The following ARHGEF10 variants were observed in gnomAD, a reference collection of about 807,000 sequenced individuals.
ARHGEF10 encodes Rho guanine nucleotide exchange factor 10, also known as Rho guanine nucleotide exchange factor (GEF) 10.
Under a neutral mutation model 147.4 loss-of-function variants are expected in ARHGEF10, and 140 were observed. The ratio of observed to expected loss-of-function variants is 0.95; its 90% CI spans 0.83 to 1.09. The LOEUF is 1.09. Among genes scored for constraint, ARHGEF10 ranks in the 50% least tolerant of loss-of-function variants. The pLI, the probability that ARHGEF10 is intolerant of heterozygous loss-of-function variation, is 0.00. For missense variants in ARHGEF10, 2,222 were observed against 1,752.7 expected (o/e 1.27, Z -4.78); for synonymous variants, 902 against 695.8 (o/e 1.30, Z -4.67).
chr8:1,956,681 C>CT, intron 28 of ARHGEF10, 68 bp from the exon 29 acceptor site: 1 of 1,599,032 alleles, frequency 6.3e-7, no homozygotes, highest in East Asian at 2.2e-5. Flanking sequence ...AAGCCCTGCA[C>CT]TTTTTGCTTC....
At chr8:1,946,729 C>T (rs1253989347) in intron 27 of ARHGEF10, among the ~76,000 whole-genome samples, 1 of 152,186 alleles carries the variant, frequency 6.6e-6, no homozygotes, top group East Asian at 1.9e-4. Flanking sequence ...TTGAAAAAAA[C>T]CACAATGATT....
intron 18 of ARHGEF10, among the ~76,000 whole-genome samples, chr8:1,917,809 C>T (rs935832641): frequency 1.3e-5 from 2 of 152,022 alleles, no homozygotes; most frequent in Admixed American, 1.3e-4. Context: ...GAGTCTCCCT[C>T]TGTTGCCCAG....
chr8:1,900,316 C>T (rs1027464930), intron 15 of ARHGEF10, among the ~76,000 whole-genome samples: 3 of 152,182 alleles, frequency 2.0e-5, no homozygotes, highest in African/African-American at 4.8e-5. Context: ...GCCCGAGCAG[C>T]TCCCACGTTT....
At chr8:1,865,828 C>G (rs1024470494) in intron 5 of ARHGEF10, among the ~76,000 whole-genome samples, 2 of 152,240 alleles carry the variant, frequency 1.3e-5, no homozygotes, top group African/African-American at 4.8e-5. Context: ...TGTCTCTGCG[C>G]TGCCACCGGG....
At chr8:1,910,988 A>C (rs1467349125) in intron 18 of ARHGEF10, among the ~76,000 whole-genome samples, 1 of 152,238 alleles carries the variant, frequency 6.6e-6, no homozygotes, top group African/African-American at 2.4e-5. Context: ...TGAAAAAAGC[A>C]TAAAGCAGGG....
chr8:1,908,378 C>A (rs1348118276), intron 17 of ARHGEF10, among the ~76,000 whole-genome samples: 5 of 151,862 alleles, frequency 3.3e-5, no homozygotes, highest in Non-Finnish European at 7.4e-5. Context: ...CTACAGGCAC[C>A]CACCACCACA....
At chr8:1,846,366 A>T (rs1804562884) in intron 2 of ARHGEF10, among the ~76,000 whole-genome samples, 1 of 152,184 alleles carries the variant, frequency 6.6e-6, no homozygotes, top group Non-Finnish European at 1.5e-5. Context: ...TTTTCTGAGG[A>T]TTCTGTGGTA....
chr8:1,862,840 G>A (rs1185629141), intron 4 of ARHGEF10, among the ~76,000 whole-genome samples: 7 of 149,750 alleles, frequency 4.7e-5, no homozygotes, highest in South Asian at 2.1e-4. Context: ...GTACAGTGGC[G>A]GGATCTCGGC....
chr8:1,823,997 GACGCGGGGGACGGCGGGGA>G lies in ARHGEF10; in HGVS notation c.-160_-142del, dbSNP rs1368075620. On this transcript the variant is annotated 5_prime_UTR_variant, in exon 1 of 29. Coordinates refer to ENST00000349830, the MANE Select transcript of ARHGEF10 (RefSeq NM_014629.4). ...GGACGGGGTCGCGGGGGACGCGGGGGACGCGGGGGACGGCGGGGAACGGCGGGGGACGGCGGGGAACAGC... is the reference window on the plus strand; with the variant it reads ...GGACGGGGTCGCGGGGGACGCGGGGGACGGCGGGGGACGGCGGGGAACAGC... The G allele has an allele frequency of 1.6e-5, 2 of 123,672 alleles. No homozygotes were observed. Among genetic ancestry groups the G allele is most frequent in the East Asian group, 2.3e-4 (1 of 4,414 alleles). 7.7% of individuals were successfully genotyped at this position (123,672 alleles called of 1,614,324 possible). A position where few individuals can be genotyped will look rare whatever the true frequency, so the allele number is the denominator to read the frequency against.
intron 5 of ARHGEF10, among the ~76,000 whole-genome samples, chr8:1,865,287 C>T (rs1223424402): frequency 6.6e-6 from 1 of 152,134 alleles, no homozygotes. Flanking sequence ...AGGCCATCAC[C>T]AGGACATGGG....
intron 1 of ARHGEF10, among the ~76,000 whole-genome samples, chr8:1,833,698 G>A (rs533967867): frequency 2.6e-5 from 4 of 152,180 alleles, no homozygotes; most frequent in Admixed American, 6.5e-5. Context: ...CCTCATGCCC[G>A]GCCCAGCTTG....
At chr8:1,903,494 G>A (rs373405772) in intron 16 of ARHGEF10, 43 bp downstream of exon 16, 6 of 1,609,252 alleles carry the variant, frequency 3.7e-6, no homozygotes, top group African/African-American at 1.3e-5. Flanking sequence ...AATTATTTTT[G>A]CTTTGTGCTA....
rs1554516077 is a variant in ARHGEF10, at chr8:1,945,465, C to T, written c.3223-16C>T. The T allele has an allele frequency of 6.3e-6, 10 of 1,575,886 alleles. No individual in the cohort carries two copies. The highest frequency in any genetic ancestry group is 7.8e-6 in the Non-Finnish European group (9 of 1,160,828). ...CACTCCACGGGGCTAGCAGACTTGA[C>T]CTCTCGATTTCACAGGGTCAGCTGG... On this transcript the variant is annotated splice_polypyrimidine_tract_variant and intron_variant, in intron 26 of 28. Transcript: ENST00000349830.
intron 17 of ARHGEF10, among the ~76,000 whole-genome samples, chr8:1,905,994 A>G (rs937182394): frequency 1.3e-5 from 2 of 152,250 alleles, no homozygotes; most frequent in Admixed American, 6.5e-5. Context: ...GAATTTCTTC[A>G]TAACCCTCCT....
chr8:1,840,437 G>C (rs1294238148), intron 1 of ARHGEF10, among the ~76,000 whole-genome samples: 1 of 142,966 alleles, frequency 7.0e-6, no homozygotes, highest in Non-Finnish European at 1.5e-5. Flanking sequence ...TGTCCGGTGT[G>C]GGGACTGTCC....
chr8:1,854,773 C>T lies in ARHGEF10; in HGVS notation c.38-3187C>T, dbSNP rs556680287. On this transcript the variant is annotated intron_variant, in intron 2 of 28. Coordinates refer to ENST00000349830, the MANE Select transcript of ARHGEF10 (RefSeq NM_014629.4). Reference sequence around the variant, plus strand: ...GAAGCTTGCTCATCTGCTCGTCATTCTCTCATTCATTCGCTCACATGATGT... The same window carrying T: ...GAAGCTTGCTCATCTGCTCGTCATTTTCTCATTCATTCGCTCACATGATGT... 1.4e-4 allele frequency among the ~76,000 whole-genome samples: 21 copies of T among 152,352 alleles called. No individual in the cohort carries two copies. In the South Asian group the frequency reaches 4.1e-3, roughly 30 times the overall value.
Position 1,838,944 on chromosome 8 carries a change from C to T in ARHGEF10, c.-47-4409C>T, listed in dbSNP as rs116132518. The stretch of plus-strand genomic sequence containing the variant: ...AGTGTGGGGCTGTCTGGTGTGGGGG[C>T]CATCTGGCATGGAAGCTGTCTGGCG... On this transcript the variant is annotated intron_variant, in intron 1 of 28. Transcript: ENST00000349830. Among the ~76,000 whole-genome samples, 390 of 147,678 alleles carry T rather than the reference C, an allele frequency of 2.6e-3. 1 individual carries two copies. The highest frequency in any genetic ancestry group is 9.3e-3 in the African/African-American group (368 of 39,510).
chr8:1,850,802 G>A (rs1006058259), intron 2 of ARHGEF10, among the ~76,000 whole-genome samples: 4 of 152,146 alleles, frequency 2.6e-5, no homozygotes, highest in African/African-American at 9.7e-5. Context: ...CAGCCATGAT[G>A]TCCTTCAGGA....
intron 1 of ARHGEF10, among the ~76,000 whole-genome samples, chr8:1,826,487 GGTGTGGA>G (rs1802782271): frequency 6.6e-6 from 1 of 152,036 alleles, no homozygotes; most frequent in Non-Finnish European, 1.5e-5. Flanking sequence ...TGGTGTGGAG[GGTGTGGA>G]GTTACAGACC....
Sources: gnomAD v4.1 joint callset for allele counts (sites outside exome capture counted in the v4.1 genomes callset) on GRCh38, gnomAD v4.1.1 for gene constraint, MANE v1.5 for transcripts, NCBI Gene and HGNC (gene_info 2026-07-23, HGNC 2026-07-21) for gene names.